The following OR3A2 variants were observed in gnomAD, a reference collection of about 807,000 sequenced individuals.
OR3A2 encodes the protein olfactory receptor family 3 subfamily A member 2.
For missense variants in OR3A2, 318 were observed against 392.8 expected, an observed-to-expected ratio of 0.81 and a Z score of 1.61; for synonymous variants, 126 against 159.3, an observed-to-expected ratio of 0.79 and a Z score of 1.57.
intron 3 of OR3A2, chr17:3,298,236 C>T (rs559420244): frequency 2.2e-4 from 33 of 152,264 alleles, no homozygotes; most frequent in Admixed American, 5.9e-4. Flanking sequence ...TCCAAGAAGC[C>T]TGTCTTACAC....
intron 3 of OR3A2, among the ~76,000 whole-genome samples, chr17:3,323,078 G>C (rs2049138880): frequency 6.6e-6 from 1 of 152,120 alleles, no homozygotes; most frequent in East Asian, 1.9e-4. Flanking sequence ...TATATATTTA[G>C]GATAGTTAGC....
intron 2 of OR3A2, among the ~76,000 whole-genome samples, chr17:3,341,031 G>A (rs2049313337): frequency 6.6e-6 from 1 of 152,120 alleles, no homozygotes; most frequent in South Asian, 2.1e-4. Context: ...GGCCTTCTTT[G>A]TCTCTTTTGA....
At chr17:3,348,884 C>T (rs1194428697) in intron 2 of OR3A2, among the ~76,000 whole-genome samples, 3 of 152,062 alleles carry the variant, frequency 2.0e-5, no homozygotes, top group African/African-American at 7.2e-5. Flanking sequence ...ATTCAACATT[C>T]TTAAGGAAAA....
Position 3,367,601 on chromosome 17 carries a change from G to GTATATATATTATATATATATATATATATA in OR3A2, c.-179+16202_-179+16203insTATATATATATATATATATAATATATATA, listed in dbSNP as rs1555530076. 1.8e-3 allele frequency among the ~76,000 whole-genome samples: 223 copies of GTATATATATTATATATATATATATATATA among 122,444 alleles called. 5 individuals carry two copies. The highest frequency in any genetic ancestry group is 2.7e-3 in the African/African-American group (77 of 28,020). The allele number at this position is 122,444 out of a possible 152,430, so 80.3% of individuals were successfully genotyped here. A position where few individuals can be genotyped will look rare whatever the true frequency, so the allele number is the denominator to read the frequency against. ...TGTATATGTATATGTGTGTGTGTGT[G>GTATATATATTATATATATATATATATATA]TATATATATATATATATATATGCCA... On this transcript the variant is annotated intron_variant, in intron 2 of 4. Transcript: ENST00000573491.
At chr17:3,315,268 T>C (rs2049072264) in intron 3 of OR3A2, among the ~76,000 whole-genome samples, 1 of 152,240 alleles carries the variant, frequency 6.6e-6, no homozygotes, top group South Asian at 2.1e-4. Flanking sequence ...TCCAGACTGC[T>C]TTCCACAGGG....
chr17:3,345,258 A>C (rs1013449601), intron 2 of OR3A2, among the ~76,000 whole-genome samples: 1 of 152,188 alleles, frequency 6.6e-6, no homozygotes, highest in African/African-American at 2.4e-5. Flanking sequence ...TCATCTACTA[A>C]TAGAGGTCAA....
intron 3 of OR3A2, among the ~76,000 whole-genome samples, chr17:3,307,882 G>T (rs926177492): frequency 1.3e-4 from 20 of 152,130 alleles, no homozygotes; most frequent in Non-Finnish European, 2.6e-4. Context: ...ACAAGTCACT[G>T]CTCCTCTCCT....
At chr17:3,312,518 A>G (rs1410980363) in intron 3 of OR3A2, among the ~76,000 whole-genome samples, 4 of 152,230 alleles carry the variant, frequency 2.6e-5, no homozygotes, top group Non-Finnish European at 4.4e-5. Flanking sequence ...ACACAGGTAC[A>G]TGGCAGTGCA....
chr17:3,329,737 T>A (rs1315856846), intron 3 of OR3A2, among the ~76,000 whole-genome samples: 2 of 122,786 alleles, frequency 1.6e-5, no homozygotes, highest in Non-Finnish European at 3.3e-5. Context: ...TTTTAGTTAT[T>A]TCTTGCCTTC....
At chr17:3,369,535 A>C (rs1013849729) in intron 2 of OR3A2, among the ~76,000 whole-genome samples, 1 of 152,216 alleles carries the variant, frequency 6.6e-6, no homozygotes, top group Admixed American at 6.5e-5. Flanking sequence ...GTATTCATTT[A>C]TTGACTTATG....
chr17:3,359,016 C>G (rs1251758054), intron 2 of OR3A2, among the ~76,000 whole-genome samples: 1 of 151,714 alleles, frequency 6.6e-6, no homozygotes, highest in Non-Finnish European at 1.5e-5. Context: ...TGAATTGAAC[C>G]CTTTACCATT....
intron 3 of OR3A2, among the ~76,000 whole-genome samples, chr17:3,322,111 G>A (rs1232555469): frequency 2.0e-5 from 3 of 152,168 alleles, no homozygotes; most frequent in Non-Finnish European, 4.4e-5. Flanking sequence ...GAGGATGTAC[G>A]TGTCGAGAAA....
At chr17:3,297,010 C>G (rs190813478) in intron 3 of OR3A2, among the ~76,000 whole-genome samples, 5 of 152,316 alleles carry the variant, frequency 3.3e-5, no homozygotes, top group Admixed American at 1.3e-4. Context: ...GTAGCTGCCC[C>G]CTCTGGGCCC....
At chr17:3,317,835 C>T (rs1222601944) in intron 3 of OR3A2, among the ~76,000 whole-genome samples, 3 of 151,998 alleles carry the variant, frequency 2.0e-5, no homozygotes, top group Non-Finnish European at 4.4e-5. Context: ...AAAACTCTAC[C>T]CCTCCCGGCC....
intron 2 of OR3A2, among the ~76,000 whole-genome samples, chr17:3,339,658 C>T (rs2049300401): frequency 6.6e-6 from 1 of 152,058 alleles, no homozygotes; most frequent in Admixed American, 6.6e-5. Flanking sequence ...TTTTGATGTG[C>T]TGCTGGATTC....
intron 3 of OR3A2, among the ~76,000 whole-genome samples, chr17:3,325,800 T>C (rs1216294700): frequency 1.3e-5 from 2 of 152,036 alleles, no homozygotes; most frequent in Admixed American, 6.6e-5. Context: ...AACTTTCACT[T>C]TAAGTTCCAG....
intron 3 of OR3A2, among the ~76,000 whole-genome samples, chr17:3,302,798 G>A (rs2150627080): frequency 6.6e-6 from 1 of 152,252 alleles, no homozygotes; most frequent in East Asian, 1.9e-4. Flanking sequence ...CCTGGTATCT[G>A]TCATGCACTG....
intron 2 of OR3A2, among the ~76,000 whole-genome samples, chr17:3,348,964 T>C (rs887812603): frequency 6.6e-6 from 1 of 152,044 alleles, no homozygotes; most frequent in Non-Finnish European, 1.5e-5. Context: ...TAAAATACTT[T>C]ACAGACAAGC....
At chr17:3,323,538 T>A (rs2049144111) in intron 3 of OR3A2, among the ~76,000 whole-genome samples, 1 of 152,098 alleles carries the variant, frequency 6.6e-6, no homozygotes, top group African/African-American at 2.4e-5. Flanking sequence ...CAGGAGCTCT[T>A]TTAGTGCAGG....
Sources: allele counts gnomAD v4.1 joint callset (sites outside exome capture counted in the v4.1 genomes callset), GRCh38; gene constraint gnomAD v4.1.1; transcripts MANE v1.5; gene names NCBI Gene and HGNC (gene_info 2026-07-23, HGNC 2026-07-21).